Variants in ESRRB observed in about 807,000 individuals in gnomAD.
ESRRB encodes steroid hormone receptor ERR2.
A neutral mutation model predicts 46.0 loss-of-function variants in ESRRB; 16 were observed. That is an observed-to-expected ratio of 0.35 (90% CI 0.24 to 0.53). The LOEUF is 0.53. ESRRB is among the 20% of genes least tolerant of loss of function. ESRRB has a pLI of 0.93. For synonymous variants in ESRRB, 246 were observed against 259.6 expected, an observed-to-expected ratio of 0.95 and a Z score of 0.50; for missense variants, 488 against 607.4, an observed-to-expected ratio of 0.80 and a Z score of 2.07.
chr14:76,483,294 C>G (rs1889880124), intron 5 of ESRRB, among the ~76,000 whole-genome samples: 1 of 152,202 alleles, frequency 6.6e-6, no homozygotes, highest in African/African-American at 2.4e-5. Flanking sequence ...GAGTCCCCCA[C>G]TTTGTGAGCT....
chr14:76,314,764 C>T (rs1883777365), intron 1 of ESRRB, among the ~76,000 whole-genome samples: 1 of 152,062 alleles, frequency 6.6e-6, no homozygotes, highest in Non-Finnish European at 1.5e-5. Context: ...AAGCTGAGGT[C>T]AGAAGTCTAA....
At chr14:76,355,395 C>A (rs1884367916) in intron 1 of ESRRB, among the ~76,000 whole-genome samples, 1 of 152,164 alleles carries the variant, frequency 6.6e-6, no homozygotes, top group Non-Finnish European at 1.5e-5. Context: ...TGGTTCCCAA[C>A]TTTCAAGACT....
At chr14:76,398,070 G>A (rs1355736723) in intron 1 of ESRRB, among the ~76,000 whole-genome samples, 1 of 152,262 alleles carries the variant, frequency 6.6e-6, no homozygotes, top group Non-Finnish European at 1.5e-5. Context: ...ACATGGGGCA[G>A]TGCCTCCTAC....
At position 76,490,016 on chromosome 14, in the gene ESRRB, C is replaced by A. The variant is rs189497048; in HGVS notation, c.851-1431C>A. Among the ~76,000 whole-genome samples, 88 of 152,334 alleles carry A rather than the reference C, an allele frequency of 5.8e-4. No individual in the cohort carries two copies. The Middle Eastern group carries it at 0.014, about 24-fold the overall frequency. On this transcript the variant is annotated intron_variant, in intron 5 of 6. Transcript: ENST00000644823. Reference sequence around the variant, plus strand: ...ACTGTACATGCATCTTCTCTTTTCGCCCCCACAGCACCCCACATCAGAAAG... The same window carrying A: ...ACTGTACATGCATCTTCTCTTTTCGACCCCACAGCACCCCACATCAGAAAG...
intron 3 of ESRRB, among the ~76,000 whole-genome samples, chr14:76,463,883 G>A (rs1333973537): frequency 6.6e-6 from 1 of 151,870 alleles, no homozygotes; most frequent in Non-Finnish European, 1.5e-5. Flanking sequence ...AAATATTATT[G>A]ATAGAGGCAA....
At chr14:76,437,631 G>C (rs200074979) in intron 1 of ESRRB, among the ~76,000 whole-genome samples, 1 of 152,136 alleles carries the variant, frequency 6.6e-6, no homozygotes, top group Admixed American at 6.5e-5. Context: ...ACCTCCATAG[G>C]GGGAGGCTCA....
chr14:76,467,867 TCCTCA>T (rs1889185200), intron 3 of ESRRB, among the ~76,000 whole-genome samples: 2 of 152,016 alleles, frequency 1.3e-5, no homozygotes, highest in Admixed American at 6.6e-5. Context: ...CTTCACCTCC[TCCTCA>T]CCTCACCTCC....
chr14:76,366,039 CTT>C (rs953233565), intron 1 of ESRRB, among the ~76,000 whole-genome samples: 1 of 152,142 alleles, frequency 6.6e-6, no homozygotes, highest in Non-Finnish European at 1.5e-5. Context: ...AGTGGATTTG[CTT>C]GTTATTAAAT....
chr14:76,489,987 C>A (rs971299890), intron 5 of ESRRB, among the ~76,000 whole-genome samples: 4 of 152,224 alleles, frequency 2.6e-5, no homozygotes, highest in African/African-American at 9.6e-5. Flanking sequence ...GAGAGGTGCC[C>A]AGCACTGTAC....
At chr14:76,359,159 A>C (rs146398807) in intron 1 of ESRRB, among the ~76,000 whole-genome samples, 1 of 152,210 alleles carries the variant, frequency 6.6e-6, no homozygotes. Context: ...TAATAATTCT[A>C]ACATCCAGAG....
At chr14:76,344,893 C>T (rs7149621) in intron 1 of ESRRB, among the ~76,000 whole-genome samples, 84,291 of 151,408 alleles carry the variant, frequency 0.56, 23,614 homozygotes, top group Admixed American at 0.69. Flanking sequence ...ATCCAGGTCA[C>T]TGCAAATGAT....
upstream of ESRRB, among the ~76,000 whole-genome samples, chr14:76,372,083 T>C (rs1470732268): frequency 6.6e-6 from 1 of 152,120 alleles, no homozygotes; most frequent in Non-Finnish European, 1.5e-5. Flanking sequence ...AGACTGCATA[T>C]ATCATGACGA....
At chr14:76,347,089 G>C (rs908123416) in intron 1 of ESRRB, among the ~76,000 whole-genome samples, 24 of 152,084 alleles carry the variant, frequency 1.6e-4, no homozygotes. Context: ...CCCTTACCCT[G>C]GCCTCTTGGA....
chr14:76,361,732 G>A (rs1566860452), intron 1 of ESRRB, among the ~76,000 whole-genome samples: 2 of 152,190 alleles, frequency 1.3e-5, no homozygotes, highest in Non-Finnish European at 2.9e-5. Flanking sequence ...TCTCATGGAT[G>A]GTCCTAACTA....
intron 1 of ESRRB, among the ~76,000 whole-genome samples, chr14:76,386,211 G>A (rs951998796): frequency 6.6e-6 from 1 of 152,070 alleles, no homozygotes; most frequent in African/African-American, 2.4e-5. Context: ...TCCTCTGAAC[G>A]AATCCCTATA....
upstream of ESRRB, among the ~76,000 whole-genome samples, chr14:76,370,746 G>C (rs1381842990): frequency 1.3e-5 from 2 of 151,956 alleles, no homozygotes; most frequent in African/African-American, 2.4e-5. Context: ...CTGGTAGTTG[G>C]TAGGAAAAAA....
At position 76,500,008 on chromosome 14, in the gene ESRRB, C is replaced by A. The variant is rs772147649; in HGVS notation, c.*1550C>A. ...CCCAATCCACGCCCTTCTAGTCCAA[C>A]CCCCCTCAATGAGAGAGGCAGGCAG... On this transcript the variant is annotated 3_prime_UTR_variant, in exon 7 of 7. Coordinates refer to ENST00000644823, the MANE Select transcript of ESRRB (RefSeq NM_001379180.1). 11 of 1,569,188 alleles carry A rather than the reference C, an allele frequency of 7.0e-6. No homozygotes were observed. Among genetic ancestry groups the A allele is most frequent in the Non-Finnish European group, 9.5e-6 (11 of 1,156,286 alleles).
intron 2 of ESRRB, among the ~76,000 whole-genome samples, chr14:76,454,608 A>T (rs1356282940): frequency 6.6e-6 from 1 of 152,116 alleles, no homozygotes; most frequent in Non-Finnish European, 1.5e-5. Context: ...GCTCCATGAG[A>T]TCCATGAACT....
upstream of ESRRB, among the ~76,000 whole-genome samples, chr14:76,372,003 T>C (rs1030107078): frequency 6.6e-6 from 1 of 152,172 alleles, no homozygotes; most frequent in African/African-American, 2.4e-5. Context: ...GGGAAGATAC[T>C]ACCAAGACTG....
Sources: allele counts gnomAD v4.1 joint callset (sites outside exome capture counted in the v4.1 genomes callset), GRCh38; gene constraint gnomAD v4.1.1; transcripts MANE v1.5; gene names NCBI Gene and HGNC (gene_info 2026-07-23, HGNC 2026-07-21).